The following PTPN3 variants were observed in gnomAD, a reference collection of about 807,000 sequenced individuals.
PTPN3 encodes the protein tyrosine-protein phosphatase non-receptor type 3.
Under a neutral mutation model 132.7 loss-of-function variants are expected in PTPN3, and 96 were observed. That is an observed-to-expected ratio of 0.72 (90% CI 0.61 to 0.86). The LOEUF is 0.86. Among genes scored for constraint, PTPN3 ranks in the 40% least tolerant of loss-of-function variants. The pLI, the probability that PTPN3 is intolerant of heterozygous loss-of-function variation, is 0.00. For synonymous variants in PTPN3, 398 were observed against 429.0 expected (o/e 0.93, Z 0.89); for missense variants, 1,125 against 1,159.6 (o/e 0.97, Z 0.43).
In PTPN3 at chr9:109,469,556, T is replaced by C. The variant is rs562301540; in HGVS notation, c.-17-6105A>G. Among the ~76,000 whole-genome samples the C allele has an allele frequency of 5.9e-5, 9 of 152,266 alleles. No individual in the cohort carries two copies. The East Asian group carries it at 1.5e-3, about 26-fold the overall frequency. ...ATCGCTCGAACCCGGGAAGCAGAGA[T>C]TGCAATGAGCCAAGATCGCGCCATT... On this transcript the variant is annotated intron_variant, in intron 1 of 25. Transcript: ENST00000374541.
At chr9:109,411,173 G>GACAGCGCTGTCTT (rs2131773521) in intron 14 of PTPN3, among the ~76,000 whole-genome samples, 1 of 152,194 alleles carries the variant, frequency 6.6e-6, no homozygotes, top group East Asian at 1.9e-4. Context: ...AGTCCTGCTG[G>GACAGCGCTGTCTT]ACAGCGCTGT....
At chr9:109,477,488 G>A (rs1846735888) in intron 1 of PTPN3, among the ~76,000 whole-genome samples, 1 of 152,228 alleles carries the variant, frequency 6.6e-6, no homozygotes, top group Non-Finnish European at 1.5e-5. Context: ...CTGTGACTGT[G>A]AAGGTCACGG....
At chr9:109,525,028 G>A in the PTPN3 span, among the ~76,000 whole-genome samples, 1 of 152,128 alleles carries the variant, frequency 6.6e-6, no homozygotes, top group Non-Finnish European at 1.5e-5. Context: ...TTACAGGTGT[G>A]AGCCACCTTG....
Position 109,433,103 on chromosome 9 carries a change from C to T in PTPN3, c.734G>A (p.Arg245Gln), listed in dbSNP as rs750600179. Residue 245 changes from arginine to glutamine, a missense_variant, in exon 10 of 26, where the codon CGA (arginine) becomes CAA (glutamine). By Grantham distance (43) the Arg-to-Gln change is conservative. Transcript: ENST00000374541. ...GIASAGVAVYRKYICTSFYPW... is the reference protein window; with the variant it reads ...GIASAGVAVYQKYICTSFYPW... ...ATAGAAACTTGTGCAAATGTATTTTCGGTACACAGCAACACCCGCGGAAGC... is the reference window on the plus strand; with the variant it reads ...ATAGAAACTTGTGCAAATGTATTTTTGGTACACAGCAACACCCGCGGAAGC... The T allele has an allele frequency of 1.8e-5, 29 of 1,613,990 alleles. No individual in the cohort carries two copies. The highest frequency in any genetic ancestry group is 4.0e-5 in the African/African-American group (3 of 74,902).
chr9:109,423,298 A>G (rs1216263639), intron 12 of PTPN3, among the ~76,000 whole-genome samples: 1 of 152,236 alleles, frequency 6.6e-6, no homozygotes, highest in Non-Finnish European at 1.5e-5. Context: ...AGAGAATCTG[A>G]AAATGCGCTT....
intron 1 of PTPN3, among the ~76,000 whole-genome samples, chr9:109,472,055 G>A (rs2132075184): frequency 6.6e-6 from 1 of 152,266 alleles, no homozygotes; most frequent in African/African-American, 2.4e-5. Flanking sequence ...CACTCGGTCT[G>A]GGAGAAGTGC....
the PTPN3 span, chr9:109,533,818 G>C: frequency 6.5e-6 from 6 of 919,144 alleles, no homozygotes; most frequent in African/African-American, 9.8e-5. Context: ...CCCATCCCTC[G>C]TTCTTTCCCC....
Position 109,381,698 on chromosome 9 carries a change from A to G in PTPN3, c.2618T>C (p.Ile873Thr), listed in dbSNP as rs1398272676. ...ERNLPIYPLD[I>T]VRKMRDQRAM... ...GCGCTGGTCTCGCATTTTTCGGACA[A>G]TATCCAGTGGGTAAATGGGCAGGTT... The change falls in exon 25 of 26, where the codon ATT becomes ACT. Residue 873 changes from isoleucine (I) to threonine (T), a missense_variant. Transcript: ENST00000374541. The G allele has an allele frequency of 6.2e-7, 1 of 1,614,190 alleles. No homozygotes were observed.
At chr9:109,389,418 C>T (rs764316809) in intron 21 of PTPN3, 39 bp from the exon 22 acceptor site, 56 of 1,587,932 alleles carry the variant, frequency 3.5e-5, no homozygotes, top group Admixed American at 1.7e-5. Flanking sequence ...TCTGTTGCTG[C>T]CCCAGGGTGC....
chr9:109,441,862 A>G (rs1177226167), intron 7 of PTPN3, among the ~76,000 whole-genome samples: 1 of 151,626 alleles, frequency 6.6e-6, no homozygotes, highest in Admixed American at 6.6e-5. Flanking sequence ...CCACCTCAGC[A>G]TCTCAAGTAG....
chr9:109,537,087 G>A, the PTPN3 span, among the ~76,000 whole-genome samples: 1 of 152,076 alleles, frequency 6.6e-6, no homozygotes, highest in African/African-American at 2.4e-5. Context: ...CCAAGGTCCT[G>A]GCATTTTCTG....
At chr9:109,457,090 C>T in intron 4 of PTPN3, 83 bp downstream of exon 4, 1 of 1,425,460 alleles carries the variant, frequency 7.0e-7, no homozygotes, top group Non-Finnish European at 9.8e-7. Flanking sequence ...CCAGATGTCA[C>T]AGGCACTGAC....
At chr9:109,401,593 GA>G (rs1841110374) in intron 19 of PTPN3, among the ~76,000 whole-genome samples, 1 of 152,200 alleles carries the variant, frequency 6.6e-6, no homozygotes, top group East Asian at 1.9e-4. Flanking sequence ...CATGAACACC[GA>G]AAACACCAGC....
chr9:109,485,301 A>C (rs950613292), intron 1 of PTPN3, among the ~76,000 whole-genome samples: 3 of 152,076 alleles, frequency 2.0e-5, no homozygotes, highest in Admixed American at 1.3e-4. Flanking sequence ...AGGTCAGGAG[A>C]TCGAGACCAT....
At chr9:109,529,136 A>G in the PTPN3 span, among the ~76,000 whole-genome samples, 38 of 152,310 alleles carry the variant, frequency 2.5e-4, no homozygotes, top group East Asian at 5.0e-3. Context: ...GGACTTCAGT[A>G]TCTATACTCA....
chr9:109,406,388 A>C, intron 18 of PTPN3, 74 bp downstream of exon 18: 1 of 1,472,492 alleles, frequency 6.8e-7, no homozygotes, highest in Non-Finnish European at 9.2e-7. Flanking sequence ...TTTCAAGAGC[A>C]GATAAAGGGC....
chr9:109,393,933 T>C (rs1840351767), intron 19 of PTPN3, among the ~76,000 whole-genome samples: 1 of 152,244 alleles, frequency 6.6e-6, no homozygotes, highest in African/African-American at 2.4e-5. Context: ...CTGTATCTTA[T>C]ACATTTGCCA....
At chr9:109,398,504 G>A (rs1260290862) in intron 19 of PTPN3, among the ~76,000 whole-genome samples, 2 of 152,210 alleles carry the variant, frequency 1.3e-5, no homozygotes, top group Admixed American at 1.3e-4. Flanking sequence ...GAACAAAGAT[G>A]GTTTCTGGTT....
chr9:109,382,549 C>T (rs1365489071), intron 23 of PTPN3, 102 bp from the exon 24 acceptor site: 1 of 1,339,334 alleles, frequency 7.5e-7, no homozygotes, highest in Non-Finnish European at 1.1e-6. Context: ...GATGCTTTCT[C>T]CCTCTGCGCA....
Sources: gnomAD v4.1 joint callset for allele counts (sites outside exome capture counted in the v4.1 genomes callset) on GRCh38, gnomAD v4.1.1 for gene constraint, MANE v1.5 for transcripts, NCBI Gene and HGNC (gene_info 2026-07-23, HGNC 2026-07-21) for gene names.